The following TMCC3 variants were observed in gnomAD, a reference collection of about 807,000 sequenced individuals.
TMCC3 encodes the protein transmembrane and coiled-coil domain family 3.
In TMCC3, 28 loss-of-function variants were observed where a neutral mutation model predicts 40.2. The observed-to-expected ratio is 0.70, with a 90% CI of 0.52 to 0.95. The LOEUF (loss-of-function observed/expected upper bound fraction) is 0.95, where lower values mean the gene tolerates loss of function less well. Ranked by LOEUF, TMCC3 falls within the 40% of genes least tolerant of loss-of-function variation. TMCC3 has a pLI of 0.00. For synonymous variants in TMCC3, 255 were observed against 248.5 expected (o/e 1.03, Z -0.25); for missense variants, 554 against 615.2 (o/e 0.90, Z 1.05).
chr12:94,612,801 A>G (rs905761590), intron 1 of TMCC3, among the ~76,000 whole-genome samples: 1 of 152,228 alleles, frequency 6.6e-6, no homozygotes, highest in Non-Finnish European at 1.5e-5. Context: ...CTAAAAGCAG[A>G]CTGCAAGGTA....
At chr12:94,614,097 G>GA (rs10696282) in intron 1 of TMCC3, among the ~76,000 whole-genome samples, 35,330 of 98,496 alleles carry the variant, frequency 0.36, 6,807 homozygotes, top group African/African-American at 0.55. Context: ...TCCATCTCCA[G>GA]AAAAAAAAAA....
At chr12:94,630,821 C>T (rs137954945) in intron 1 of TMCC3, among the ~76,000 whole-genome samples, 75 of 152,276 alleles carry the variant, frequency 4.9e-4, no homozygotes, top group African/African-American at 1.3e-3. Context: ...CTCCACCTCC[C>T]GGGTTCAAGC....
At position 94,601,844 on chromosome 12, in the gene TMCC3, A is replaced by C. The variant is rs528037727; in HGVS notation, c.79-19306T>G. On this transcript the variant is annotated intron_variant, in intron 1 of 3. Transcript: ENST00000261226. ...AAAAAAAAAAAAAAAAAAGAGAAGA[A>C]AAAAGAAAGGGACCTGGTGTCTGTA... Among the ~76,000 whole-genome samples the C allele has an allele frequency of 3.5e-3, 527 of 150,620 alleles. 4 individuals are homozygous for C. Among genetic ancestry groups the C allele is most frequent in the African/African-American group, 0.012 (491 of 41,236 alleles).
rs2068974975 is a variant in TMCC3 at position 94,638,975 on chromosome 12, T to A, written c.78+11378A>T. On this transcript the variant is annotated intron_variant, in intron 1 of 3. Coordinates refer to ENST00000261226, the MANE Select transcript of TMCC3 (RefSeq NM_020698.4). The stretch of plus-strand genomic sequence containing the variant: ...CCATTACAACAAGCCTACATACACA[T>A]CTTAATTAGGTTCAACTTTACTTTA... Among the ~76,000 whole-genome samples the A allele has an allele frequency of 2.7e-5, 4 of 148,598 alleles. No homozygotes were observed. The South Asian group carries it at 8.5e-4, about 32-fold the overall frequency.
intron 1 of TMCC3, chr12:94,609,808 C>T (rs1439500450): frequency 6.6e-6 from 1 of 152,232 alleles, no homozygotes; most frequent in Non-Finnish European, 1.5e-5. Flanking sequence ...CTTCTGCTCA[C>T]ATGGAGGCAA....
intron 1 of TMCC3, among the ~76,000 whole-genome samples, chr12:94,616,637 C>T (rs1254342281): frequency 1.3e-5 from 2 of 151,674 alleles, no homozygotes; most frequent in Non-Finnish European, 2.9e-5. Context: ...CAGGAGAGTA[C>T]TTGGTGCTAA....
At chr12:94,635,810 G>A (rs1411553045) in intron 1 of TMCC3, among the ~76,000 whole-genome samples, 2 of 151,964 alleles carry the variant, frequency 1.3e-5, no homozygotes, top group African/African-American at 4.8e-5. Context: ...GGGATTACAG[G>A]TGCCCGCCAC....
intron 1 of TMCC3, among the ~76,000 whole-genome samples, chr12:94,596,265 T>C (rs1477907226): frequency 1.3e-5 from 2 of 152,172 alleles, no homozygotes; most frequent in Non-Finnish European, 2.9e-5. Context: ...CCTTGCAGAT[T>C]TGAAAGGGGG....
At chr12:94,594,198 AATAT>A (rs59083165) in intron 1 of TMCC3, among the ~76,000 whole-genome samples, 76 of 145,460 alleles carry the variant, frequency 5.2e-4, no homozygotes, top group African/African-American at 1.1e-3. Context: ...TTTAAATTTA[AATAT>A]ATATATATAT....
chr12:94,583,486 C>T (rs113871289), intron 1 of TMCC3, among the ~76,000 whole-genome samples: 12 of 152,174 alleles, frequency 7.9e-5, no homozygotes, highest in African/African-American at 2.4e-4. Context: ...CTAGACTGGG[C>T]AACAGAGTGA....
At chr12:94,589,123 A>G (rs905954608) in intron 1 of TMCC3, among the ~76,000 whole-genome samples, 1 of 125,038 alleles carries the variant, frequency 8.0e-6, no homozygotes, top group African/African-American at 3.2e-5. Flanking sequence ...ACGCCTGGCC[A>G]GTATGAGGTT....
intron 1 of TMCC3, among the ~76,000 whole-genome samples, chr12:94,596,403 C>T (rs1019597387): frequency 2.6e-5 from 4 of 152,166 alleles, no homozygotes; most frequent in African/African-American, 9.7e-5. Context: ...ACTGCATGCA[C>T]TTTGCTATTT....
intron 1 of TMCC3, among the ~76,000 whole-genome samples, chr12:94,641,646 T>C (rs2068991573): frequency 6.6e-6 from 1 of 152,140 alleles, no homozygotes; most frequent in Non-Finnish European, 1.5e-5. Flanking sequence ...TGTGTTATAT[T>C]GTATGCAAAT....
In TMCC3 at chr12:94,637,366, C is replaced by T. The variant is rs534972835; in HGVS notation, c.78+12987G>A. Among the ~76,000 whole-genome samples, 198 of 152,306 alleles carry T rather than the reference C, an allele frequency of 1.3e-3. 1 individual carries two copies. Among genetic ancestry groups the T allele is most frequent in the African/African-American group, 4.5e-3 (186 of 41,572 alleles). ...TAAAAATTTTAAAAATATGACCAAC[C>T]TCATCCATACCAGGAAAGATATACA... On this transcript the variant is annotated intron_variant, in intron 1 of 3. Transcript: ENST00000261226.
intron 1 of TMCC3, among the ~76,000 whole-genome samples, chr12:94,603,689 C>A (rs938919735): frequency 1.3e-5 from 2 of 152,092 alleles, no homozygotes; most frequent in Non-Finnish European, 2.9e-5. Context: ...CAACATTGAT[C>A]CAGGTGGCAG....
chr12:94,606,764 G>T (rs1210106624), intron 1 of TMCC3, among the ~76,000 whole-genome samples: 1 of 152,134 alleles, frequency 6.6e-6, no homozygotes, highest in Non-Finnish European at 1.5e-5. Flanking sequence ...GGGAGGGGGT[G>T]TACGAACAGG....
chr12:94,614,097 GA>G lies in TMCC3; in HGVS notation c.79-31560del, dbSNP rs10696282. ...GCGACAGAGTGAGACTCCATCTCCA[GA>G]AAAAAAAAAAAAAAAAAACTATGGA... is the stretch of plus-strand genomic sequence containing the variant. On this transcript the variant is annotated intron_variant, in intron 1 of 3. Transcript: ENST00000261226. Among the ~76,000 whole-genome samples, 387 of 98,474 alleles carry G rather than the reference GA, an allele frequency of 3.9e-3. 1 individual carries two copies. The highest frequency in any genetic ancestry group is 0.012 in the African/African-American group (314 of 25,948). 64.6% of individuals were successfully genotyped at this position (98,474 alleles called of 152,430 possible). A position where few individuals can be genotyped will look rare whatever the true frequency, so the allele number is the denominator to read the frequency against.
chr12:94,582,532 G>T lies in TMCC3; in HGVS notation c.85C>A (p.Arg29Ser). The part of the protein sequence containing the change: ...RHHRCKSRVE[R>S]HDMNTLSLPL... ...AGGCTTAAGGTATTCATGTCATGAC[G>T]TTCTACCTGAAAGAGACAGGAAAGA... Residue 29 changes from arginine (R) to serine (S), a missense_variant, in exon 2 of 4, where the codon CGT becomes AGT. Transcript: ENST00000261226. 1 of 1,593,072 alleles carries T rather than the reference G, an allele frequency of 6.3e-7. No individual in the cohort carries two copies.
Position 94,568,974 on chromosome 12 carries a change from T to C in TMCC3, c.*2461A>G, listed in dbSNP as rs1469514596. On this transcript the variant is annotated 3_prime_UTR_variant, in exon 4 of 4. Transcript: ENST00000261226. The stretch of plus-strand genomic sequence containing the variant: ...CGGAGTGTGCTGCTTTCCATTCTCT[T>C]CTCTACTTCTGTCACTGGGGAGAAG... 1 of 152,238 alleles carries C rather than the reference T, an allele frequency of 6.6e-6. No homozygotes were observed. Among genetic ancestry groups the C allele is most frequent in the Non-Finnish European group, 1.5e-5 (1 of 68,044 alleles). 9.4% of individuals were successfully genotyped at this position (152,238 alleles called of 1,614,324 possible).
Sources: gnomAD v4.1 joint callset for allele counts (sites outside exome capture counted in the v4.1 genomes callset) on GRCh38, gnomAD v4.1.1 for gene constraint, MANE v1.5 for transcripts, NCBI Gene and HGNC (gene_info 2026-07-23, HGNC 2026-07-21) for gene names.